The following RAB3GAP1 variants were observed in gnomAD, a reference collection of about 807,000 sequenced individuals.
RAB3GAP1 encodes RAB3 GTPase activating protein catalytic subunit 1.
In RAB3GAP1, 86 loss-of-function variants were observed where a neutral mutation model predicts 130.7. The observed-to-expected ratio is 0.66, with a 90% CI of 0.55 to 0.79. The LOEUF (loss-of-function observed/expected upper bound fraction) is 0.79, where lower values mean the gene tolerates loss of function less well. Ranked by LOEUF, RAB3GAP1 falls within the 30% of genes least tolerant of loss-of-function variation. The pLI is 0.00. For missense variants in RAB3GAP1, 1,029 were observed against 1,169.4 expected (o/e 0.88, Z 1.75); for synonymous variants, 367 against 401.7 (o/e 0.91, Z 1.03).
chr2:135,136,607 G>T (rs1225210743), intron 17 of RAB3GAP1: 3 of 658,840 alleles, frequency 4.6e-6, no homozygotes, highest in Non-Finnish European at 6.7e-6. Context: ...ATGCTCAGAT[G>T]TTTAAAAAAG....
intron 3 of RAB3GAP1, among the ~76,000 whole-genome samples, chr2:135,066,154 T>C (rs945316699): frequency 2.0e-5 from 3 of 152,202 alleles, no homozygotes; most frequent in African/African-American, 7.2e-5. Flanking sequence ...AACAAGTGCC[T>C]GTTGTCAGAT....
chr2:135,117,663 G>GCTTCTGCTTCTTCTGCTTCTGCTTCTT (rs1691051252), intron 7 of RAB3GAP1, among the ~76,000 whole-genome samples: 1 of 39,950 alleles, frequency 2.5e-5, no homozygotes, highest in South Asian at 1.2e-3. Flanking sequence ...TGCTTCTTCT[G>GCTTCTGCTTCTTCTGCTTCTGCTTCTT]CTTCTGCTTC....
At chr2:135,144,409 G>A (rs371340167) in intron 17 of RAB3GAP1, among the ~76,000 whole-genome samples, 46 of 152,278 alleles carry the variant, frequency 3.0e-4, no homozygotes, top group African/African-American at 9.4e-4. Flanking sequence ...TTGCGAGTAC[G>A]CAAAATGGGC....
rs1170753692 is a variant in RAB3GAP1 at position 135,115,244 on chromosome 2, C to T, written c.511C>T (p.His171Tyr). 1 of 1,612,072 alleles carries T rather than the reference C, an allele frequency of 6.2e-7. No individual in the cohort carries two copies. The highest frequency in any genetic ancestry group is 8.5e-7 in the Non-Finnish European group (1 of 1,178,296). ...GGTGCCACTCTTTGTGCAAATTCAC[C>T]ACAAATGGCGAAGAATGTATGTAGG... The part of the protein sequence containing the change: ...CQVPLFVQIH[H>Y]KWRRMYVGEC... The change falls in exon 7 of 24, where the codon CAC becomes TAC. Residue 171 changes from histidine to tyrosine, a missense_variant. Transcript: ENST00000264158.
intron 3 of RAB3GAP1, among the ~76,000 whole-genome samples, chr2:135,074,120 G>A (rs1373211581): frequency 2.6e-5 from 4 of 152,200 alleles, no homozygotes; most frequent in Non-Finnish European, 5.9e-5. Flanking sequence ...GGAGGGGAAA[G>A]GGATGAGGGA....
chr2:135,162,537 G>T lies in RAB3GAP1; in HGVS notation c.2290-18G>T, dbSNP rs1349406951. 1 of 1,597,996 alleles carries T rather than the reference G, an allele frequency of 6.3e-7. No individual in the cohort carries two copies. The highest frequency in any genetic ancestry group is 1.3e-5 in the African/African-American group (1 of 74,568). On this transcript the variant is annotated intron_variant, in intron 19 of 23. Coordinates refer to ENST00000264158, the MANE Select transcript of RAB3GAP1 (RefSeq NM_012233.3). ...TGACACCTGCGCTGATCATTTGTGT[G>T]CGCTGCACCTCCTTCAGGTGCTGCA...
intron 7 of RAB3GAP1, among the ~76,000 whole-genome samples, chr2:135,117,510 T>G (rs963458285): frequency 1.8e-4 from 14 of 76,982 alleles, no homozygotes; most frequent in Middle Eastern, 4.6e-3. Context: ...TTCTTCTTCT[T>G]CTGCTTCTTC....
chr2:135,135,108 ATG>A (rs1691642146), intron 15 of RAB3GAP1, among the ~76,000 whole-genome samples, 155 bp from the exon 16 acceptor site: 1 of 152,094 alleles, frequency 6.6e-6, no homozygotes, highest in African/African-American at 2.4e-5. Context: ...TTTTAATTCT[ATG>A]TGCTCCCCCT....
chr2:135,065,295 G>A (rs747340808), intron 3 of RAB3GAP1, among the ~76,000 whole-genome samples: 4 of 152,172 alleles, frequency 2.6e-5, no homozygotes, highest in Non-Finnish European at 1.5e-5. Flanking sequence ...GAGGACCGTT[G>A]TCTGTCTCTG....
At chr2:135,157,334 C>CA (rs1286186505) in intron 19 of RAB3GAP1, among the ~76,000 whole-genome samples, 4 of 151,840 alleles carry the variant, frequency 2.6e-5, no homozygotes, top group Admixed American at 1.3e-4. Flanking sequence ...TTACTTATTC[C>CA]AAAAAAATAA....
chr2:135,064,237 C>T (rs567162421), intron 3 of RAB3GAP1, among the ~76,000 whole-genome samples: 3 of 151,928 alleles, frequency 2.0e-5, no homozygotes, highest in African/African-American at 7.2e-5. Context: ...TGTTTTTCAC[C>T]ACATTTGGGG....
At chr2:135,054,109 G>A (rs903267060) in intron 2 of RAB3GAP1, among the ~76,000 whole-genome samples, 2 of 152,198 alleles carry the variant, frequency 1.3e-5, no homozygotes, top group African/African-American at 4.8e-5. Context: ...ACTAAATACA[G>A]GAATCCAGAT....
chr2:135,127,085 C>G (rs1691370408), intron 11 of RAB3GAP1, among the ~76,000 whole-genome samples: 1 of 151,764 alleles, frequency 6.6e-6, no homozygotes, highest in South Asian at 2.1e-4. Flanking sequence ...CCGTGTTATC[C>G]AGGATAGTCT....
chr2:135,081,757 C>T (rs1197941052), intron 3 of RAB3GAP1, among the ~76,000 whole-genome samples: 3 of 152,182 alleles, frequency 2.0e-5, no homozygotes, highest in African/African-American at 7.2e-5. Flanking sequence ...GATTTCTGCA[C>T]ATTCGGATTA....
chr2:135,108,510 TG>T (rs1690696364), intron 5 of RAB3GAP1, among the ~76,000 whole-genome samples: 1 of 150,120 alleles, frequency 6.7e-6, no homozygotes, highest in Admixed American at 6.7e-5. Context: ...TTGAAGTCTT[TG>T]GGGCTTTTTT....
chr2:135,126,001 G>C (rs1023728722), intron 9 of RAB3GAP1, among the ~76,000 whole-genome samples, 180 bp from the exon 10 acceptor site: 2 of 152,048 alleles, frequency 1.3e-5, no homozygotes, highest in Non-Finnish European at 2.9e-5. Flanking sequence ...ATGAATGTTT[G>C]CAAAACATTA....
Position 135,170,443 on chromosome 2 carries a change from A to AT in RAB3GAP1, c.*1667dup, listed in dbSNP as rs2105011382. On this transcript the variant is annotated 3_prime_UTR_variant, in exon 24 of 24. Coordinates refer to ENST00000264158, the MANE Select transcript of RAB3GAP1 (RefSeq NM_012233.3). ...GTGCCTTTTTAAAGTACTCCATTTT[A>AT]TTTTTATGATAGTTATGTATTTATT... 6.6e-6 allele frequency: 1 copy of AT among 152,262 alleles called. No individual in the cohort carries two copies. Among genetic ancestry groups the AT allele is most frequent in the East Asian group, 1.9e-4 (1 of 5,182 alleles). The allele number at this position is 152,262 out of a possible 1,614,324, so 9.4% of individuals were successfully genotyped here.
chr2:135,133,973 T>C lies in RAB3GAP1; in HGVS notation c.1439T>C (p.Leu480Pro), dbSNP rs763303502. Reference protein sequence around the residue: ...YHGGLKGVAHLWQEFVLEMRF... With the variant: ...YHGGLKGVAHPWQEFVLEMRF... ...GGAGGGTTGAAAGGAGTGGCACACCTCTGGCAGGAATTTGTTCTTGAAATG... is the reference window on the plus strand; with the variant it reads ...GGAGGGTTGAAAGGAGTGGCACACCCCTGGCAGGAATTTGTTCTTGAAATG... The change falls in exon 15 of 24, where the codon CTC (leucine) becomes CCC (proline). Residue 480 changes from leucine to proline, a missense_variant. This residue lies in a region of RAB3GAP1 where 373 missense variants were observed against 493.6 expected (regional missense o/e 0.76). Transcript: ENST00000264158. 5 of 1,613,868 alleles carry C rather than the reference T, an allele frequency of 3.1e-6. No individual in the cohort carries two copies. The South Asian group carries it at 3.3e-5, about 11-fold the overall frequency.
intron 2 of RAB3GAP1, among the ~76,000 whole-genome samples, chr2:135,057,195 T>C (rs1689038279): frequency 6.6e-6 from 1 of 152,224 alleles, no homozygotes; most frequent in Non-Finnish European, 1.5e-5. Flanking sequence ...TCACTTATAC[T>C]TAAAGTTGAC....
Sources: gnomAD v4.1 joint callset for allele counts (sites outside exome capture counted in the v4.1 genomes callset) on GRCh38, gnomAD v4.1.1 for gene constraint, gnomAD v4.1.1 regional missense constraint, MANE v1.5 for transcripts, NCBI Gene and HGNC (gene_info 2026-07-23, HGNC 2026-07-21) for gene names.